The following NDUFAF2 variants were observed in gnomAD, a reference collection of about 807,000 sequenced individuals.
The protein encoded by NDUFAF2 is NADH:ubiquinone oxidoreductase complex assembly factor 2, also known as NADH dehydrogenase [ubiquinone] 1 alpha subcomplex assembly factor 2.
NDUFAF2 carries 13 observed loss-of-function variants against 22.8 expected under a neutral mutation model. That is an observed-to-expected ratio of 0.57 (90% CI 0.37 to 0.91). NDUFAF2 has a LOEUF of 0.91. NDUFAF2 is among the 40% of genes least tolerant of loss of function. NDUFAF2 has a pLI of 0.01. For missense variants in NDUFAF2, 162 were observed against 195.2 expected, an observed-to-expected ratio of 0.83 and a Z score of 1.01; for synonymous variants, 53 against 64.2, an observed-to-expected ratio of 0.83 and a Z score of 0.84.
At chr5:61,099,201 AATAAT>A (rs1401974422) in intron 3 of NDUFAF2, among the ~76,000 whole-genome samples, 169 bp downstream of exon 3, 6 of 150,620 alleles carry the variant, frequency 4.0e-5, no homozygotes, top group Non-Finnish European at 7.4e-5. Flanking sequence ...TTATTAATAA[AATAAT>A]ATATGATAAA....
intron 3 of NDUFAF2, among the ~76,000 whole-genome samples, chr5:61,108,149 T>C (rs372616169): frequency 5.4e-5 from 8 of 148,684 alleles, no homozygotes; most frequent in Middle Eastern, 6.8e-3. Flanking sequence ...TGAATAGTGC[T>C]GCAATAAACA....
At chr5:60,980,743 A>G (rs111923903) in intron 1 of NDUFAF2, among the ~76,000 whole-genome samples, 1 of 152,124 alleles carries the variant, frequency 6.6e-6, no homozygotes, top group Non-Finnish European at 1.5e-5. Context: ...ACTGCACTCA[A>G]AATATTTTTT....
At chr5:60,951,956 T>C (rs1750553432) in intron 1 of NDUFAF2, among the ~76,000 whole-genome samples, 1 of 151,474 alleles carries the variant, frequency 6.6e-6, no homozygotes, top group Admixed American at 6.6e-5. Flanking sequence ...TTGGTAGTTT[T>C]TATCTTTTGA....
chr5:61,079,805 G>A (rs984366132), intron 2 of NDUFAF2, among the ~76,000 whole-genome samples: 6 of 152,106 alleles, frequency 3.9e-5, no homozygotes, highest in African/African-American at 9.7e-5. Context: ...GTGAACTTGC[G>A]TGACCTTGGT....
At chr5:61,013,076 A>T (rs1481765043) in intron 1 of NDUFAF2, among the ~76,000 whole-genome samples, 1 of 152,140 alleles carries the variant, frequency 6.6e-6, no homozygotes, top group African/African-American at 2.4e-5. Context: ...ATAAAAAAAA[A>T]TTATCTTCAT....
intron 1 of NDUFAF2, among the ~76,000 whole-genome samples, chr5:60,987,623 C>A (rs1344859584): frequency 6.6e-6 from 1 of 152,060 alleles, no homozygotes; most frequent in Non-Finnish European, 1.5e-5. Flanking sequence ...GCAAAGTTGG[C>A]TCAAAATACA....
intron 3 of NDUFAF2, among the ~76,000 whole-genome samples, chr5:61,110,072 C>G (rs1752819197): frequency 6.6e-6 from 1 of 152,102 alleles, no homozygotes; most frequent in African/African-American, 2.4e-5. Flanking sequence ...ATTGAATGAT[C>G]ATAGAGTTTT....
intron 1 of NDUFAF2, chr5:61,050,467 T>A (rs564358306): frequency 6.6e-6 from 1 of 152,280 alleles, no homozygotes; most frequent in Non-Finnish European, 1.5e-5. Flanking sequence ...AAGGAAGGAT[T>A]ATGGCAGCCT....
intron 1 of NDUFAF2, among the ~76,000 whole-genome samples, chr5:61,003,073 A>C (rs557710833): frequency 6.6e-6 from 1 of 152,062 alleles, no homozygotes; most frequent in Non-Finnish European, 1.5e-5. Context: ...TTTTCTGTCC[A>C]TTTGTGACTC....
At chr5:61,034,267 G>A (rs1751765891) in intron 1 of NDUFAF2, among the ~76,000 whole-genome samples, 1 of 152,126 alleles carries the variant, frequency 6.6e-6, no homozygotes, top group Non-Finnish European at 1.5e-5. Flanking sequence ...TGACTAACTA[G>A]TACAGTTATG....
intron 1 of NDUFAF2, among the ~76,000 whole-genome samples, chr5:60,971,463 A>G (rs1355711860): frequency 6.6e-6 from 1 of 150,622 alleles, no homozygotes; most frequent in Non-Finnish European, 1.5e-5. Context: ...ATTTTTTTGT[A>G]TTTTTAGTAG....
At chr5:60,970,197 G>T (rs1176837575) in intron 1 of NDUFAF2, among the ~76,000 whole-genome samples, 1 of 151,990 alleles carries the variant, frequency 6.6e-6, no homozygotes, top group Non-Finnish European at 1.5e-5. Context: ...GAATAGCTTT[G>T]GCTATTCAGG....
intron 1 of NDUFAF2, among the ~76,000 whole-genome samples, chr5:61,063,414 A>G (rs753067178): frequency 6.6e-6 from 1 of 151,934 alleles, no homozygotes; most frequent in Non-Finnish European, 1.5e-5. Context: ...CAGGAGGATC[A>G]TTTGAGACTC....
intron 2 of NDUFAF2, among the ~76,000 whole-genome samples, chr5:61,086,882 C>CTT (rs1174303514): frequency 6.6e-6 from 1 of 152,062 alleles, no homozygotes; most frequent in African/African-American, 2.4e-5. Flanking sequence ...TAACATCGAA[C>CTT]TTATATTCAG....
intron 1 of NDUFAF2, among the ~76,000 whole-genome samples, chr5:61,031,304 T>G (rs1435796714): frequency 1.3e-5 from 2 of 152,046 alleles, no homozygotes; most frequent in Non-Finnish European, 2.9e-5. Flanking sequence ...ATTCCTCTCC[T>G]AGTCCCCCAC....
chr5:61,065,891 G>T (rs777513158), intron 1 of NDUFAF2, among the ~76,000 whole-genome samples: 1 of 151,760 alleles, frequency 6.6e-6, no homozygotes, highest in Non-Finnish European at 1.5e-5. Context: ...AATCAGAAAA[G>T]AAGTAGAATT....
At chr5:60,966,222 T>A (rs1168299995) in intron 1 of NDUFAF2, among the ~76,000 whole-genome samples, 1 of 152,000 alleles carries the variant, frequency 6.6e-6, no homozygotes, top group Non-Finnish European at 1.5e-5. Context: ...CAGTTATTAG[T>A]TTTTTTTCCT....
chr5:61,036,510 T>C (rs1185212134), intron 1 of NDUFAF2, among the ~76,000 whole-genome samples: 2 of 152,234 alleles, frequency 1.3e-5, no homozygotes, highest in Non-Finnish European at 2.9e-5. Flanking sequence ...ATATCTACCA[T>C]CTGTATCAGT....
chr5:61,035,251 G>T (rs1184231113), intron 1 of NDUFAF2, among the ~76,000 whole-genome samples: 1 of 151,612 alleles, frequency 6.6e-6, no homozygotes, highest in Non-Finnish European at 1.5e-5. Context: ...ATTTTTAGTA[G>T]AGATGGGGTT....
Sources: allele counts gnomAD v4.1 joint callset (sites outside exome capture counted in the v4.1 genomes callset), GRCh38; gene constraint gnomAD v4.1.1; transcripts MANE v1.5; gene names NCBI Gene and HGNC (gene_info 2026-07-23, HGNC 2026-07-21).